Variants in EXTL3 observed in about 807,000 individuals in gnomAD.
The protein encoded by EXTL3 is exostosin-like 3.
In EXTL3, 27 loss-of-function variants were observed where a neutral mutation model predicts 69.3. The ratio of observed to expected loss-of-function variants is 0.39; its 90% CI spans 0.29 to 0.54. The LOEUF (loss-of-function observed/expected upper bound fraction) is 0.54, where lower values mean the gene tolerates loss of function less well. Among genes scored for constraint, EXTL3 ranks in the 20% least tolerant of loss-of-function variants. The pLI is 0.69. For missense variants in EXTL3, 1,003 were observed against 1,231.8 expected (o/e 0.81, Z 2.78); for synonymous variants, 511 against 499.4 (o/e 1.02, Z -0.31).
At chr8:28,637,648 C>CT (rs1806678043) in intron 1 of EXTL3, among the ~76,000 whole-genome samples, 2 of 142,318 alleles carry the variant, frequency 1.4e-5, no homozygotes, top group African/African-American at 4.9e-5. Context: ...AAAAAACAAT[C>CT]AATCTGTGGA....
At chr8:28,614,039 C>T (rs1211620527) in intron 2 of EXTL3, among the ~76,000 whole-genome samples, 1 of 151,904 alleles carries the variant, frequency 6.6e-6, no homozygotes, top group Non-Finnish European at 1.5e-5. Context: ...GTCATGAGCC[C>T]AGGCTGGTCT....
intron 1 of EXTL3, among the ~76,000 whole-genome samples, chr8:28,658,808 C>T (rs1260640407): frequency 6.6e-6 from 1 of 152,138 alleles, no homozygotes; most frequent in African/African-American, 2.4e-5. Flanking sequence ...CTTGAACTCC[C>T]AACCTCAAGT....
At chr8:28,677,889 T>C (rs1807414135) in intron 1 of EXTL3, among the ~76,000 whole-genome samples, 1 of 152,220 alleles carries the variant, frequency 6.6e-6, no homozygotes, top group Non-Finnish European at 1.5e-5. Context: ...TAAAATACTG[T>C]TGGGATTCTG....
At chr8:28,712,775 T>C (rs1448497024) in intron 1 of EXTL3, among the ~76,000 whole-genome samples, 1 of 152,214 alleles carries the variant, frequency 6.6e-6, no homozygotes, top group Non-Finnish European at 1.5e-5. Flanking sequence ...GTTGAATTAT[T>C]GGTTTCTGTG....
Position 28,623,371 on chromosome 8 carries a change from C to G in EXTL3, c.-53+561C>G, listed in dbSNP as rs1806444053. ...CCCCAAAGCCAGCCGTACCTGCGAG[C>G]CCCTCAGCACAGCTGACTTTAATTT... is the stretch of plus-strand genomic sequence containing the variant. On this transcript the variant is annotated intron_variant, in intron 1 of 6. Coordinates refer to the EXTL3 transcript ENST00000523149. The surrounding 1 kb of genome is among the most constrained non-coding windows in gnomAD (Gnocchi z 4.2). Among the ~76,000 whole-genome samples the G allele has an allele frequency of 6.6e-6, 1 of 152,204 alleles. No homozygotes were observed. Among genetic ancestry groups the G allele is most frequent in the Admixed American group, 6.5e-5 (1 of 15,294 alleles).
intron 2 of EXTL3, among the ~76,000 whole-genome samples, chr8:28,612,726 CTT>C (rs528090214): frequency 6.8e-6 from 1 of 146,984 alleles, no homozygotes. Context: ...CACAAATTGA[CTT>C]TTTTTTTTTA....
intron 2 of EXTL3, among the ~76,000 whole-genome samples, chr8:28,714,840 G>A (rs756286651): frequency 7.9e-5 from 12 of 152,162 alleles, no homozygotes; most frequent in Non-Finnish European, 1.6e-4. Flanking sequence ...TGCCGTCTCC[G>A]TGCACCTATC....
At chr8:28,727,311 G>A (rs558327251) in intron 3 of EXTL3, among the ~76,000 whole-genome samples, 2 of 152,244 alleles carry the variant, frequency 1.3e-5, no homozygotes, top group South Asian at 4.1e-4. Context: ...CTGTGTTCCT[G>A]GAGTCCTTAG....
At position 28,623,693 on chromosome 8, in the gene EXTL3, A is replaced by G. The variant is rs918463736; in HGVS notation, c.-53+883A>G. Among the ~76,000 whole-genome samples the G allele has an allele frequency of 2.0e-5, 3 of 152,200 alleles. No individual in the cohort carries two copies. Among genetic ancestry groups the G allele is most frequent in the Admixed American group, 2.0e-4 (3 of 15,270 alleles). ...TTCATGTTTTTAAAGATATGTTTTT[A>G]TTTAAAACCTTCCCCCTATATTTTC... On this transcript the variant is annotated intron_variant, in intron 1 of 6. Coordinates refer to the EXTL3 transcript ENST00000523149. The surrounding 1 kb of genome is among the most constrained non-coding windows in gnomAD (Gnocchi z 4.2).
intron 4 of EXTL3, among the ~76,000 whole-genome samples, chr8:28,734,225 T>C (rs1053455086): frequency 1.3e-5 from 2 of 152,248 alleles, no homozygotes; most frequent in African/African-American, 4.8e-5. Flanking sequence ...CATGGGTTAT[T>C]TTCTTGCTTT....
chr8:28,751,568 G>A lies in EXTL3; in HGVS notation c.*702G>A, dbSNP rs1802004823. 1 of 152,290 alleles carries A rather than the reference G, an allele frequency of 6.6e-6. No homozygotes were observed. Among genetic ancestry groups the A allele is most frequent in the South Asian group, 2.1e-4 (1 of 4,830 alleles). The allele number at this position is 152,290 out of a possible 1,614,324, so 9.4% of individuals were successfully genotyped here. ...CACATTCTCTTCCCAGTGAATCCCT[G>A]GGAGCGCCTGACCCTGGTGGGCTGT... On this transcript the variant is annotated 3_prime_UTR_variant, in exon 7 of 7. Coordinates refer to ENST00000220562, the MANE Select transcript of EXTL3 (RefSeq NM_001440.4).
chr8:28,733,833 T>TC (rs1801591780), intron 4 of EXTL3, among the ~76,000 whole-genome samples: 1 of 151,420 alleles, frequency 6.6e-6, no homozygotes. Flanking sequence ...TTTTTTTTTT[T>TC]CTGACACAGA....
In EXTL3 at chr8:28,683,536, C is replaced by T. The variant is rs370860091; in HGVS notation, c.-52-29921C>T. Among the ~76,000 whole-genome samples, 7 of 152,138 alleles carry T rather than the reference C, an allele frequency of 4.6e-5. No individual in the cohort carries two copies. In the South Asian group the frequency reaches 6.2e-4, roughly 14 times the overall value. On this transcript the variant is annotated intron_variant, in intron 1 of 6. Transcript: ENST00000523149. ...TGTACAATAAATTATTGCTGTTGGC[C>T]GGGTGAGGTAGCTCACACCTGTAAT...
intron 1 of EXTL3, among the ~76,000 whole-genome samples, chr8:28,641,521 G>T (rs1031699577): frequency 6.6e-6 from 1 of 152,202 alleles, no homozygotes; most frequent in Non-Finnish European, 1.5e-5. Flanking sequence ...CTTTCCTCCA[G>T]GCTGGAGTGC....
At chr8:28,652,705 A>C (rs993496760) in intron 1 of EXTL3, among the ~76,000 whole-genome samples, 3 of 151,168 alleles carry the variant, frequency 2.0e-5, no homozygotes, top group Non-Finnish European at 3.0e-5. Flanking sequence ...ATATATAGCC[A>C]TCTTAGGTGT....
intron 1 of EXTL3, among the ~76,000 whole-genome samples, chr8:28,672,476 A>G (rs1263940495): frequency 1.3e-5 from 2 of 152,158 alleles, no homozygotes; most frequent in Non-Finnish European, 2.9e-5. Flanking sequence ...AAGGGAGATC[A>G]GATTAGCTTC....
intron 1 of EXTL3, among the ~76,000 whole-genome samples, chr8:28,672,465 T>TA (rs1362429844): frequency 2.0e-5 from 3 of 152,048 alleles, no homozygotes; most frequent in South Asian, 2.1e-4. Flanking sequence ...ATGGTTTTAT[T>TA]AAGGGAGATC....
At chr8:28,655,612 C>T (rs1563437543) in intron 1 of EXTL3, among the ~76,000 whole-genome samples, 2 of 151,896 alleles carry the variant, frequency 1.3e-5, no homozygotes, top group South Asian at 2.1e-4. Context: ...CCACCTCAGC[C>T]TCTGGAGTAG....
At chr8:28,721,370 A>G (rs748361993) in intron 3 of EXTL3, among the ~76,000 whole-genome samples, 2 of 151,994 alleles carry the variant, frequency 1.3e-5, no homozygotes, top group Non-Finnish European at 2.9e-5. Flanking sequence ...CCTGTCTGGA[A>G]TTTTCTCCAT....
Sources: allele counts gnomAD v4.1 joint callset (sites outside exome capture counted in the v4.1 genomes callset), GRCh38; gene constraint gnomAD v4.1.1; non-coding constraint Gnocchi (gnomAD v3.1); transcripts MANE v1.5; gene names NCBI Gene and HGNC (gene_info 2026-07-23, HGNC 2026-07-21).